Variants in DPP4 observed in about 807,000 individuals in gnomAD.
DPP4 encodes the protein ADCP-2.
A neutral mutation model predicts 122.4 loss-of-function variants in DPP4; 93 were observed. The observed-to-expected ratio is 0.76, with a 90% CI of 0.64 to 0.90. The LOEUF is 0.90. Ranked by LOEUF, DPP4 falls within the 40% of genes least tolerant of loss-of-function variation. The pLI is 0.00. For missense variants in DPP4, 914 were observed against 907.3 expected (o/e 1.01, Z -0.09); for synonymous variants, 321 against 302.9 (o/e 1.06, Z -0.62).
At chr2:162,062,111 A>G (rs777108045) in intron 2 of DPP4, among the ~76,000 whole-genome samples, 2 of 150,156 alleles carry the variant, frequency 1.3e-5, no homozygotes, top group Non-Finnish European at 3.0e-5. Flanking sequence ...TCTACTAAAA[A>G]TACAAAAAAA....
At chr2:162,037,961 G>T (rs1683839004) in intron 8 of DPP4, among the ~76,000 whole-genome samples, 1 of 152,020 alleles carries the variant, frequency 6.6e-6, no homozygotes, top group Non-Finnish European at 1.5e-5. Flanking sequence ...GTAACTTTCG[G>T]GTTAGGTAGG....
At chr2:162,045,683 T>C (rs1684147878) in intron 4 of DPP4, 71 bp from the exon 5 acceptor site, 3 of 1,083,480 alleles carry the variant, frequency 2.8e-6, no homozygotes, top group Non-Finnish European at 2.8e-6. Flanking sequence ...ACTTACTTCA[T>C]AGGGGGTACT....
chr2:162,005,109 A>G (rs755952443), intron 23 of DPP4, among the ~76,000 whole-genome samples: 1 of 152,234 alleles, frequency 6.6e-6, no homozygotes, highest in Non-Finnish European at 1.5e-5. Context: ...TGGCATCCAC[A>G]CTAGCACATG....
intron 23 of DPP4, among the ~76,000 whole-genome samples, chr2:162,001,318 C>T (rs913441088): frequency 1.3e-5 from 2 of 152,082 alleles, no homozygotes; most frequent in African/African-American, 4.8e-5. Context: ...TGAAACTAGA[C>T]CCCCTCTGGC....
At chr2:162,028,523 T>C (rs191646541) in intron 10 of DPP4, among the ~76,000 whole-genome samples, 302 of 152,294 alleles carry the variant, frequency 2.0e-3, no homozygotes, top group Middle Eastern at 3.4e-3. Flanking sequence ...AGTAGCTTTC[T>C]TATGTAATGG....
At chr2:162,065,443 G>A (rs1684916470) in intron 2 of DPP4, among the ~76,000 whole-genome samples, 2 of 152,170 alleles carry the variant, frequency 1.3e-5, no homozygotes, top group South Asian at 4.2e-4. Flanking sequence ...ATGTGTTCAG[G>A]CCATTACATT....
At chr2:161,993,904 T>C (rs1470915613) in intron 25 of DPP4, among the ~76,000 whole-genome samples, 4 of 152,228 alleles carry the variant, frequency 2.6e-5, no homozygotes, top group Non-Finnish European at 4.4e-5. Flanking sequence ...AAACTCTATT[T>C]CAATATTACA....
At chr2:162,035,742 G>A (rs1172460347) in intron 8 of DPP4, among the ~76,000 whole-genome samples, 3 of 152,132 alleles carry the variant, frequency 2.0e-5, no homozygotes, top group Non-Finnish European at 4.4e-5. Flanking sequence ...AGCCCGCAGG[G>A]TACTGGTGGG....
intron 18 of DPP4, 41 bp downstream of exon 18, chr2:162,016,727 T>C: frequency 7.3e-7 from 1 of 1,369,262 alleles, no homozygotes; most frequent in African/African-American, 1.4e-5. Context: ...AGTGCATTGG[T>C]GTTTCCATGA....
intron 4 of DPP4, 154 bp downstream of exon 4, chr2:162,046,761 C>G: frequency 1.4e-6 from 1 of 691,712 alleles, no homozygotes; most frequent in East Asian, 2.8e-5. Flanking sequence ...GTAGCCAAGG[C>G]AGGGAGCATT....
At chr2:162,005,198 C>T (rs901196612) in intron 23 of DPP4, among the ~76,000 whole-genome samples, 5 of 152,174 alleles carry the variant, frequency 3.3e-5, no homozygotes, top group Non-Finnish European at 7.3e-5. Flanking sequence ...CCCACTGGTT[C>T]TTCCATCAGG....
chr2:162,072,314 C>T (rs960113695), intron 2 of DPP4, among the ~76,000 whole-genome samples: 30 of 152,198 alleles, frequency 2.0e-4, no homozygotes, highest in Admixed American at 1.3e-4. Context: ...CCACAAGAGT[C>T]AAGCTTAAGT....
intron 5 of DPP4, among the ~76,000 whole-genome samples, chr2:162,040,610 C>T (rs1372093652): frequency 6.6e-6 from 1 of 151,874 alleles, no homozygotes; most frequent in Non-Finnish European, 1.5e-5. Flanking sequence ...TCAAAGTCAT[C>T]TGTATAATAC....
At chr2:161,999,214 T>G (rs1701083455) in intron 23 of DPP4, among the ~76,000 whole-genome samples, 1 of 152,118 alleles carries the variant, frequency 6.6e-6, no homozygotes, top group Admixed American at 6.5e-5. Context: ...CAGTCCAGTG[T>G]ATGGCACACT....
Position 162,046,981 on chromosome 2 carries a change from T to C in DPP4, c.219A>G (p.Glu73=), listed in dbSNP as rs760483332. The C allele has an allele frequency of 3.8e-6, 6 of 1,594,548 alleles. No individual in the cohort carries two copies. Among genetic ancestry groups the C allele is most frequent in the East Asian group, 2.2e-5 (1 of 44,736 alleles). The change falls in exon 4 of 26, where the codon GAA becomes GAG. Residue 73 remains glutamate (E), a synonymous_variant. Transcript: ENST00000360534. ...CAGCATTGAATACCAAGATATTATTTTCTTGTTTGTAGAGATATTCATGAT... is the reference window on the plus strand; with the variant it reads ...CAGCATTGAATACCAAGATATTATTCTCTTGTTTGTAGAGATATTCATGAT... ...ISDHEYLYKQ[E]NNILVFNAEY...
At chr2:162,004,360 C>A (rs985567121) in intron 23 of DPP4, among the ~76,000 whole-genome samples, 4 of 152,072 alleles carry the variant, frequency 2.6e-5, no homozygotes, top group Non-Finnish European at 5.9e-5. Context: ...GTGTCTAAAG[C>A]AGCTTATGGG....
At chr2:162,013,952 T>C (rs1682809306) in intron 19 of DPP4, among the ~76,000 whole-genome samples, 1 of 152,064 alleles carries the variant, frequency 6.6e-6, no homozygotes, top group Non-Finnish European at 1.5e-5. Flanking sequence ...TCACTTCTCT[T>C]CACCAAAAAG....
intron 2 of DPP4, among the ~76,000 whole-genome samples, chr2:162,057,108 C>G (rs780410464): frequency 6.6e-6 from 1 of 151,576 alleles, no homozygotes; most frequent in African/African-American, 2.4e-5. Flanking sequence ...CTTAAAAACC[C>G]TAACCTCCAA....
At chr2:162,062,375 G>A (rs1684805309) in intron 2 of DPP4, among the ~76,000 whole-genome samples, 1 of 152,148 alleles carries the variant, frequency 6.6e-6, no homozygotes, top group South Asian at 2.1e-4. Flanking sequence ...CAAACTTAGT[G>A]ACTTAACACA....
Sources: allele counts gnomAD v4.1 joint callset (sites outside exome capture counted in the v4.1 genomes callset), GRCh38; gene constraint gnomAD v4.1.1; transcripts MANE v1.5; gene names NCBI Gene and HGNC (gene_info 2026-07-23, HGNC 2026-07-21).